CLPX: variants seen among roughly 807,000 people sequenced by gnomAD.
CLPX encodes ATP-dependent clpX-like chaperone, mitochondrial.
In CLPX, 34 loss-of-function variants were observed where a neutral mutation model predicts 76.4. The observed-to-expected ratio is 0.45, with a 90% confidence interval of 0.34 to 0.59. CLPX has a LOEUF of 0.59. Ranked by LOEUF, CLPX falls within the 20% of genes least tolerant of loss-of-function variation. The probability of loss-of-function intolerance (pLI) is 0.01; values close to 1 mark genes in which losing one functional copy is unlikely to be tolerated. For synonymous variants in CLPX, 248 were observed against 270.9 expected, an observed-to-expected ratio of 0.92 and a Z score of 0.83; for missense variants, 613 against 757.0, an observed-to-expected ratio of 0.81 and a Z score of 2.23.
chr15:65,168,382 T>TC (rs2087948411), intron 3 of CLPX, among the ~76,000 whole-genome samples: 1 of 2,760 alleles, frequency 3.6e-4, no homozygotes, highest in Admixed American at 0.01. Context: ...AGACTCTGTC[T>TC]CAAAAAAAAA....
chr15:65,178,418 G>A (rs778964081), intron 3 of CLPX, among the ~76,000 whole-genome samples: 4 of 152,062 alleles, frequency 2.6e-5, no homozygotes, highest in Admixed American at 2.6e-4. Flanking sequence ...AGTATTACCA[G>A]TCCTGAAGAT....
At chr15:65,169,339 A>T (rs1244804140) in intron 3 of CLPX, among the ~76,000 whole-genome samples, 2 of 152,144 alleles carry the variant, frequency 1.3e-5, no homozygotes, top group Non-Finnish European at 2.9e-5. Flanking sequence ...GGACTCGAGT[A>T]ACCCTCCCAC....
Position 65,166,780 on chromosome 15 carries a change from T to C in CLPX, c.364A>G (p.Thr122Ala), listed in dbSNP as rs1489319376. The C allele has an allele frequency of 5.0e-6, 8 of 1,611,582 alleles. No homozygotes were observed. The highest frequency in any genetic ancestry group is 4.2e-6 in the Non-Finnish European group (5 of 1,179,256). ...CACTTTTCACACTTGACAAAACGGG[T>C]GGATGCTGTAAAAGAAAACAGACAT... ...CTHVETFVSS[T>A]RFVKCEKCHH... Residue 122 changes from threonine (T) to alanine (A), a missense_variant, in exon 4 of 14, where the codon ACC (threonine) becomes GCC (alanine). Thr to Ala is a moderately conservative substitution (Grantham distance 58, BLOSUM62 0). This residue lies in a region of CLPX where 450 missense variants were observed against 638.6 expected (regional missense o/e 0.70). Transcript: ENST00000300107.
Position 65,162,619 on chromosome 15 carries a change from C to G in CLPX, c.700G>C (p.Glu234Gln), listed in dbSNP as rs2087867438. ...AGTCACTTACTTGTAAATCTGTACTCATCCTCCCGTCTTCTTATTTCTAAC... is the reference window on the plus strand; with the variant it reads ...AGTCACTTACTTGTAAATCTGTACTGATCCTCCCGTCTTCTTATTTCTAAC... ...RELEIRRRED[E>Q]YRFTKLLQIA... The change falls in exon 6 of 14, where the codon GAG (glutamate) becomes CAG (glutamine). Residue 234 changes from glutamate to glutamine, a missense_variant. This residue lies in a region of CLPX where 450 missense variants were observed against 638.6 expected (regional missense o/e 0.70). Coordinates refer to ENST00000300107, the MANE Select transcript of CLPX (RefSeq NM_006660.5). The G allele has an allele frequency of 5.0e-6, 8 of 1,587,610 alleles. No homozygotes were observed. The highest frequency in any genetic ancestry group is 6.9e-6 in the Non-Finnish European group (8 of 1,159,330).
At chr15:65,181,198 CAA>C (rs577532814) in intron 1 of CLPX, among the ~76,000 whole-genome samples, 3 of 134,246 alleles carry the variant, frequency 2.2e-5, no homozygotes, top group Non-Finnish European at 1.6e-5. Context: ...GACTCTGTCT[CAA>C]AAAAAAAAAA....
At chr15:65,174,175 G>A (rs950928314) in intron 3 of CLPX, among the ~76,000 whole-genome samples, 31 of 151,986 alleles carry the variant, frequency 2.0e-4, no homozygotes, top group African/African-American at 6.0e-4. Context: ...GGGTTTCACC[G>A]TGTTAGCCAG....
At chr15:65,166,835 T>A in intron 3 of CLPX, 50 bp from the exon 4 acceptor site, 1 of 1,562,766 alleles carries the variant, frequency 6.4e-7, no homozygotes, top group Non-Finnish European at 8.7e-7. Flanking sequence ...ATAATTCCAA[T>A]AGTGTTTAAC....
intron 3 of CLPX, among the ~76,000 whole-genome samples, chr15:65,167,679 C>T (rs1450553347): frequency 2.0e-5 from 3 of 149,926 alleles, no homozygotes; most frequent in African/African-American, 7.4e-5. Context: ...AGTTAGAAAC[C>T]AGCCTGGCCA....
intron 6 of CLPX, among the ~76,000 whole-genome samples, chr15:65,160,623 T>TCTCTCTCACACACACA (rs1219208926): frequency 1.1e-4 from 11 of 100,968 alleles, no homozygotes; most frequent in African/African-American, 2.3e-4. Context: ...TCTCTCTCTC[T>TCTCTCTCACACACACA]CACACACACA....
At chr15:65,164,275 TAC>T (rs1329752412) in intron 4 of CLPX, 87 bp from the exon 5 acceptor site, 9 of 1,098,122 alleles carry the variant, frequency 8.2e-6, no homozygotes, top group South Asian at 1.6e-5. Flanking sequence ...CATATTTGCT[TAC>T]AGTTTTAAAT....
chr15:65,168,377 C>G (rs2087947879), intron 3 of CLPX, among the ~76,000 whole-genome samples: 1 of 8,154 alleles, frequency 1.2e-4, no homozygotes, highest in Non-Finnish European at 3.5e-4. Context: ...AAGTGAGACT[C>G]TGTCTCAAAA....
intron 11 of CLPX, 147 bp downstream of exon 11, chr15:65,154,635 C>G (rs957353478): frequency 1.6e-6 from 1 of 621,546 alleles, no homozygotes. Context: ...TACAATATGC[C>G]TTCCTTGATT....
At chr15:65,163,979 T>G in intron 5 of CLPX, 50 bp downstream of exon 5, 1 of 1,500,150 alleles carries the variant, frequency 6.7e-7, no homozygotes, top group Non-Finnish European at 9.2e-7. Context: ...AAATAAAGAT[T>G]ACTTTTAAGC....
In CLPX at chr15:65,179,085, T is replaced by C. The variant is rs376015587; in HGVS notation, c.241-34A>G. ...TATGAAGGAGAAAAAAGGAAGAGTG[T>C]CAATTATTAGTTTCAGGCAACCAAC... On this transcript the variant is annotated intron_variant, in intron 2 of 13. Coordinates refer to ENST00000300107, the MANE Select transcript of CLPX (RefSeq NM_006660.5). 7.4e-6 allele frequency: 10 copies of C among 1,357,382 alleles called. No homozygotes were observed. In the African/African-American group the frequency reaches 1.0e-4, roughly 14 times the overall value. 84.1% of individuals were successfully genotyped at this position (1,357,382 alleles called of 1,614,324 possible).
intron 3 of CLPX, among the ~76,000 whole-genome samples, chr15:65,167,438 G>A (rs1404471460): frequency 1.3e-5 from 2 of 151,896 alleles, no homozygotes; most frequent in African/African-American, 2.4e-5. Context: ...ATACTTGAAT[G>A]AACAAACTAA....
At chr15:65,153,454 T>C (rs1228913363) in intron 12 of CLPX, 93 bp downstream of exon 12, 12 of 788,046 alleles carry the variant, frequency 1.5e-5, no homozygotes, top group Non-Finnish European at 2.1e-6. Flanking sequence ...TCAAAATATA[T>C]ATACATATTT....
intron 7 of CLPX, 153 bp downstream of exon 7, chr15:65,158,422 T>G: frequency 1.7e-6 from 1 of 594,124 alleles, no homozygotes; most frequent in Non-Finnish European, 2.8e-6. Context: ...CCAGTTTGTA[T>G]TCTATGCAGG....
At chr15:65,184,135 C>A (rs2088219819) in intron 1 of CLPX, among the ~76,000 whole-genome samples, 2 of 152,124 alleles carry the variant, frequency 1.3e-5, no homozygotes, top group Admixed American at 1.3e-4. Flanking sequence ...ATAAAAGGGG[C>A]CTTTTTAAAA....
intron 11 of CLPX, chr15:65,154,575 G>T: frequency 1.9e-6 from 1 of 520,978 alleles, no homozygotes; most frequent in Non-Finnish European, 3.4e-6. Flanking sequence ...AGGCTATAAT[G>T]ATGGTTTTAA....
Sources: allele counts gnomAD v4.1 joint callset (sites outside exome capture counted in the v4.1 genomes callset), GRCh38; gene constraint gnomAD v4.1.1; regional missense constraint gnomAD v4.1.1; transcripts MANE v1.5; gene names NCBI Gene and HGNC (gene_info 2026-07-23, HGNC 2026-07-21).